The following BMP6 variants were observed in gnomAD, a reference collection of about 807,000 sequenced individuals.
BMP6 encodes the protein bone morphogenetic protein 6.
Under a neutral mutation model 54.1 loss-of-function variants are expected in BMP6, and 17 were observed. The observed-to-expected ratio is 0.31, with a 90% confidence interval of 0.22 to 0.47. BMP6 has a LOEUF of 0.47. BMP6 is among the 20% of genes least tolerant of loss of function. The pLI, the probability that BMP6 is intolerant of heterozygous loss-of-function variation, is 1.00. For missense variants in BMP6, 720 were observed against 690.4 expected (o/e 1.04, Z -0.48); for synonymous variants, 328 against 291.2 (o/e 1.13, Z -1.28).
chr6:7,779,513 T>C (rs1308660229), intron 1 of BMP6, among the ~76,000 whole-genome samples: 1 of 151,930 alleles, frequency 6.6e-6, no homozygotes, highest in African/African-American at 2.4e-5. Context: ...CTAATTTTTA[T>C]ATATTTGGTA....
chr6:7,790,296 CTT>C (rs1561772667), intron 1 of BMP6, among the ~76,000 whole-genome samples: 1 of 152,084 alleles, frequency 6.6e-6, no homozygotes, highest in East Asian at 1.9e-4. Context: ...AGGCGGATCT[CTT>C]TAGTCCGGGA....
intron 1 of BMP6, among the ~76,000 whole-genome samples, chr6:7,813,455 CT>C (rs1758470314): frequency 6.6e-5 from 1 of 15,088 alleles, no homozygotes; most frequent in African/African-American, 3.4e-4. Flanking sequence ...ATCCCTGTCT[CT>C]ACAAAAAAAA....
chr6:7,874,481 C>T (rs1014773150), intron 4 of BMP6, among the ~76,000 whole-genome samples: 1 of 152,114 alleles, frequency 6.6e-6, no homozygotes, highest in South Asian at 2.1e-4. Context: ...CAAGGCCAGG[C>T]GAGGTGGCTC....
intron 1 of BMP6, among the ~76,000 whole-genome samples, chr6:7,827,910 A>G (rs1338367234): frequency 6.6e-6 from 1 of 152,356 alleles, no homozygotes; most frequent in Admixed American, 6.5e-5. Context: ...TCTTATACAT[A>G]AAACTGCCTG....
chr6:7,869,259 C>T (rs549964079), intron 4 of BMP6, among the ~76,000 whole-genome samples: 7 of 152,388 alleles, frequency 4.6e-5, no homozygotes, highest in Admixed American at 4.6e-4. Flanking sequence ...TCCTGGCCTC[C>T]AGTGCCAGGG....
chr6:7,797,781 T>C (rs140294387), intron 1 of BMP6, among the ~76,000 whole-genome samples: 16 of 152,338 alleles, frequency 1.1e-4, no homozygotes, highest in East Asian at 9.6e-4. Context: ...AAGAGACCGA[T>C]ACAAGTTATA....
At chr6:7,826,077 G>T (rs1340830506) in intron 1 of BMP6, among the ~76,000 whole-genome samples, 1 of 152,230 alleles carries the variant, frequency 6.6e-6, no homozygotes, top group East Asian at 1.9e-4. Flanking sequence ...GGTACCCTGT[G>T]AGTTGAGACC....
chr6:7,834,658 T>C (rs532567441), intron 1 of BMP6, among the ~76,000 whole-genome samples: 28 of 151,624 alleles, frequency 1.8e-4, no homozygotes, highest in Non-Finnish European at 3.1e-4. Flanking sequence ...CTGGGCAAAA[T>C]AGCGAGGTGC....
At chr6:7,818,224 C>A (rs1029096739) in intron 1 of BMP6, among the ~76,000 whole-genome samples, 2 of 151,994 alleles carry the variant, frequency 1.3e-5, no homozygotes, top group African/African-American at 2.4e-5. Context: ...TATGAAAAAG[C>A]GTTTCTAAAC....
intron 1 of BMP6, among the ~76,000 whole-genome samples, chr6:7,774,748 T>C (rs1757839342): frequency 6.6e-6 from 1 of 152,242 alleles, no homozygotes; most frequent in Non-Finnish European, 1.5e-5. Context: ...GACCCTCAGC[T>C]TTCCTTCCTT....
At chr6:7,844,260 AC>A (rs1414529147) in intron 1 of BMP6, among the ~76,000 whole-genome samples, 1 of 152,090 alleles carries the variant, frequency 6.6e-6, no homozygotes, top group East Asian at 1.9e-4. Context: ...TTATGCACAT[AC>A]CACGTTTTCT....
chr6:7,877,962 A>C (rs1251351495), intron 4 of BMP6, among the ~76,000 whole-genome samples: 2 of 152,214 alleles, frequency 1.3e-5, no homozygotes, highest in African/African-American at 4.8e-5. Context: ...GCAAAGGCTC[A>C]CTTTGTGCCT....
intron 1 of BMP6, among the ~76,000 whole-genome samples, chr6:7,771,251 G>A (rs1265856614): frequency 2.0e-5 from 3 of 152,176 alleles, no homozygotes; most frequent in Non-Finnish European, 4.4e-5. Context: ...GAATCCAGAT[G>A]TCAGCTGGGC....
At chr6:7,759,552 T>C (rs769383744) in intron 1 of BMP6, among the ~76,000 whole-genome samples, 1 of 152,096 alleles carries the variant, frequency 6.6e-6, no homozygotes, top group Non-Finnish European at 1.5e-5. Flanking sequence ...AAGGCCCTTA[T>C]AACCCTAAAC....
rs74919741 is a variant in BMP6, at chr6:7,758,295, G to A, written c.664+30676G>A. 5.5e-3 allele frequency among the ~76,000 whole-genome samples: 835 copies of A among 152,332 alleles called. 14 individuals carry two copies. Among genetic ancestry groups the A allele is most frequent in the African/African-American group, 0.019 (786 of 41,564 alleles). On this transcript the variant is annotated intron_variant, in intron 1 of 6. Coordinates refer to ENST00000283147, the MANE Select transcript of BMP6 (RefSeq NM_001718.6). ...TTGAGTAGCCACCAGACTTAGACAAGTGATCTCCCAGCTATCCAGGCAAGG... is the reference window on the plus strand; with the variant it reads ...TTGAGTAGCCACCAGACTTAGACAAATGATCTCCCAGCTATCCAGGCAAGG...
intron 1 of BMP6, among the ~76,000 whole-genome samples, chr6:7,768,381 A>G (rs960844676): frequency 2.0e-5 from 3 of 152,012 alleles, no homozygotes; most frequent in East Asian, 1.9e-4. Flanking sequence ...TTAGGATTCA[A>G]GGTTTCTCTG....
At position 7,870,251 on chromosome 6, in the gene BMP6, C is replaced by G. The variant is rs572048569; in HGVS notation, c.1204+7753C>G. On this transcript the variant is annotated intron_variant, in intron 4 of 6. Coordinates refer to ENST00000283147, the MANE Select transcript of BMP6 (RefSeq NM_001718.6). ...CTGATGCTTTATTCCGAGGTGAATT[C>G]TGGATTGGAACACCCCGGTCTCTTA... Among the ~76,000 whole-genome samples the G allele has an allele frequency of 3.3e-5, 5 of 152,332 alleles. No individual in the cohort carries two copies. The East Asian group carries it at 7.7e-4, about 24-fold the overall frequency.
chr6:7,757,409 G>A (rs933049352), intron 1 of BMP6, among the ~76,000 whole-genome samples: 5 of 152,014 alleles, frequency 3.3e-5, no homozygotes, highest in Admixed American at 1.3e-4. Flanking sequence ...TCTCTACCTC[G>A]GCCATCATAG....
chr6:7,777,358 C>T (rs1324576216), intron 1 of BMP6, among the ~76,000 whole-genome samples: 1 of 152,160 alleles, frequency 6.6e-6, no homozygotes, highest in Admixed American at 6.5e-5. Flanking sequence ...GGGAGAGGGG[C>T]GTGGATACAC....
Sources: allele counts gnomAD v4.1 joint callset (sites outside exome capture counted in the v4.1 genomes callset), GRCh38; gene constraint gnomAD v4.1.1; transcripts MANE v1.5; gene names NCBI Gene and HGNC (gene_info 2026-07-23, HGNC 2026-07-21).